Variants in ACADSB observed in about 807,000 individuals in gnomAD.
ACADSB encodes short/branched chain specific acyl-CoA dehydrogenase, mitochondrial.
Under a neutral mutation model 54.1 loss-of-function variants are expected in ACADSB, and 40 were observed. That is an observed-to-expected ratio of 0.74 (90% CI 0.57 to 0.96). The LOEUF is 0.96. Among genes scored for constraint, ACADSB ranks in the 40% least tolerant of loss-of-function variants. The pLI, the probability that ACADSB is intolerant of heterozygous loss-of-function variation, is 0.00. For missense variants in ACADSB, 530 were observed against 510.4 expected (o/e 1.04, Z -0.37); for synonymous variants, 182 against 182.8 (o/e 1.00, Z 0.03).
At chr10:123,042,624 T>G (rs1400249307) in intron 5 of ACADSB, among the ~76,000 whole-genome samples, 4 of 151,858 alleles carry the variant, frequency 2.6e-5, no homozygotes, top group African/African-American at 9.7e-5. Flanking sequence ...ATTTTTGTAT[T>G]TTTAGTAGAG....
chr10:123,020,133 A>C (rs896849560), intron 1 of ACADSB, among the ~76,000 whole-genome samples: 20 of 152,210 alleles, frequency 1.3e-4, no homozygotes, highest in African/African-American at 4.8e-4. Context: ...TAAATAGTTA[A>C]AGGGTTTTGT....
chr10:123,034,411 C>T lies in ACADSB; in HGVS notation c.98C>T (p.Ser33Leu). 6.2e-7 allele frequency: 1 copy of T among 1,613,754 alleles called. No homozygotes were observed. Among genetic ancestry groups the T allele is most frequent in the Non-Finnish European group, 8.5e-7 (1 of 1,179,908 alleles). Residue 33 changes from serine to leucine, a missense_variant, in exon 2 of 11, where the codon TCA becomes TTA. Transcript: ENST00000358776. ...TCTTGGAAGATTCCTCCTCATGTCTCAAAATCTTCCCAGTCAGAAGCTCTA... is the reference window on the plus strand; with the variant it reads ...TCTTGGAAGATTCCTCCTCATGTCTTAAAATCTTCCCAGTCAGAAGCTCTA... Reference protein sequence around the residue: ...LSSWKIPPHVSKSSQSEALLN... With the variant: ...LSSWKIPPHVLKSSQSEALLN...
chr10:123,044,255 A>C (rs912950230), intron 6 of ACADSB, 138 bp from the exon 7 acceptor site: 1 of 718,978 alleles, frequency 1.4e-6, no homozygotes, highest in African/African-American at 1.7e-5. Flanking sequence ...AAAACAGCGT[A>C]GAGGGAGACA....
rs115332385 is a variant in ACADSB, at chr10:123,042,102, A to T, written c.681+723A>T. ...TGCCTCAGCCTCCCAAGTATATGAG[A>T]CTACAGGTGTGCACCACCACGCACA... is the stretch of plus-strand genomic sequence containing the variant. On this transcript the variant is annotated intron_variant, in intron 5 of 10. Coordinates refer to ENST00000358776, the MANE Select transcript of ACADSB (RefSeq NM_001609.4). Among the ~76,000 whole-genome samples, 782 of 151,636 alleles carry T rather than the reference A, an allele frequency of 5.2e-3. 10 individuals are homozygous for T. The highest frequency in any genetic ancestry group is 0.017 in the African/African-American group (720 of 41,310).
At chr10:123,021,546 A>G (rs1850184282) in intron 1 of ACADSB, among the ~76,000 whole-genome samples, 1 of 152,242 alleles carries the variant, frequency 6.6e-6, no homozygotes, top group African/African-American at 2.4e-5. Context: ...ATGGCTTCTT[A>G]TAATCTTTTA....
rs1850727037 is a variant in ACADSB, at chr10:123,057,786, C to T, written c.*4021C>T. The stretch of plus-strand genomic sequence containing the variant: ...TTTTAAAAGTGAAGGATTCATAGCA[C>T]AGATTACTTGCCTAAGATCATCCAG... On this transcript the variant is annotated 3_prime_UTR_variant, in exon 11 of 11. Coordinates refer to ENST00000358776, the MANE Select transcript of ACADSB (RefSeq NM_001609.4). 6.6e-6 allele frequency: 1 copy of T among 152,192 alleles called. No homozygotes were observed. The highest frequency in any genetic ancestry group is 1.5e-5 in the Non-Finnish European group (1 of 68,034). The allele number at this position is 152,192 out of a possible 1,614,324, so 9.4% of individuals were successfully genotyped here. A position where few individuals can be genotyped will look rare whatever the true frequency, so the allele number is the denominator to read the frequency against.
At chr10:123,043,017 G>T (rs1850495126) in intron 5 of ACADSB, 29 bp from the exon 6 acceptor site, 2 of 1,610,250 alleles carry the variant, frequency 1.2e-6, no homozygotes, top group South Asian at 1.1e-5. Flanking sequence ...AAATCCAAGT[G>T]GTAATAGCGT....
At chr10:123,036,245 G>A (rs941002319) in intron 2 of ACADSB, among the ~76,000 whole-genome samples, 9 of 152,140 alleles carry the variant, frequency 5.9e-5, no homozygotes, top group East Asian at 3.9e-4. Context: ...GTGCCACCAC[G>A]CCCAGCTAAT....
Position 123,050,569 on chromosome 10 carries a change from G to A in ACADSB, c.991-480G>A, listed in dbSNP as rs375989615. Among the ~76,000 whole-genome samples, 4 of 152,256 alleles carry A rather than the reference G, an allele frequency of 2.6e-5. No homozygotes were observed. The East Asian group carries it at 7.7e-4, about 29-fold the overall frequency. The stretch of plus-strand genomic sequence containing the variant: ...AATCACCCTCTAAAATTTCAGGGTG[G>A]TAGTAATTGGTGCTTCAAATATTCT... On this transcript the variant is annotated intron_variant, in intron 8 of 10. Coordinates refer to ENST00000358776, the MANE Select transcript of ACADSB (RefSeq NM_001609.4).
intron 8 of ACADSB, among the ~76,000 whole-genome samples, chr10:123,049,906 T>A (rs1031631719): frequency 6.6e-6 from 1 of 152,190 alleles, no homozygotes; most frequent in South Asian, 2.1e-4. Flanking sequence ...AGATGGGTGG[T>A]AAGATTGGTA....
intron 1 of ACADSB, among the ~76,000 whole-genome samples, chr10:123,033,459 T>C (rs1348357219): frequency 6.6e-6 from 1 of 152,212 alleles, no homozygotes; most frequent in African/African-American, 2.4e-5. Context: ...TTAAAGGATT[T>C]GGGACACTAC....
intron 1 of ACADSB, among the ~76,000 whole-genome samples, chr10:123,023,995 A>G (rs1402078575): frequency 6.6e-6 from 1 of 152,218 alleles, no homozygotes. Context: ...AGTGTCAGAC[A>G]TCTCTGACCT....
At chr10:123,048,246 G>A (rs556290524) in intron 8 of ACADSB, among the ~76,000 whole-genome samples, 2 of 152,300 alleles carry the variant, frequency 1.3e-5, no homozygotes, top group African/African-American at 2.4e-5. Context: ...GATTGCACAT[G>A]TGTAGAGATA....
intron 7 of ACADSB, among the ~76,000 whole-genome samples, chr10:123,045,740 A>G (rs182367620): frequency 1.3e-5 from 2 of 152,358 alleles, no homozygotes; most frequent in East Asian, 1.9e-4. Context: ...TAGACATGAC[A>G]TTAGAAACTG....
rs572877238 is a variant in ACADSB, at chr10:123,024,746, G to A, written c.43-9610G>A. Among the ~76,000 whole-genome samples the A allele has an allele frequency of 7.9e-5, 12 of 152,326 alleles. No individual in the cohort carries two copies. In the South Asian group the frequency reaches 1.2e-3, roughly 16 times the overall value. On this transcript the variant is annotated intron_variant, in intron 1 of 10. Coordinates refer to ENST00000358776, the MANE Select transcript of ACADSB (RefSeq NM_001609.4). ...GGGGCCGGGCCCAAGCAAGCAGCTC[G>A]TGGGGCTGGGCCCAAGCAGGCAGCT...
At chr10:123,015,835 G>C (rs1400970868) in intron 1 of ACADSB, among the ~76,000 whole-genome samples, 1 of 152,216 alleles carries the variant, frequency 6.6e-6, no homozygotes, top group Non-Finnish European at 1.5e-5. Flanking sequence ...CATCACGTGA[G>C]ACTCTGAAGC....
chr10:123,035,343 A>G (rs551055226), intron 2 of ACADSB, among the ~76,000 whole-genome samples: 77 of 152,318 alleles, frequency 5.1e-4, no homozygotes, highest in Non-Finnish European at 9.1e-4. Flanking sequence ...AGCCCAAATG[A>G]AGCAGAAGTT....
intron 1 of ACADSB, 94 bp downstream of exon 1, chr10:123,009,165 C>A: frequency 7.4e-7 from 1 of 1,343,884 alleles, no homozygotes; most frequent in East Asian, 2.5e-5. Flanking sequence ...CCTCGGGGCG[C>A]CGGCCTGAGC....
At chr10:123,046,241 G>A (rs2133487131) in intron 7 of ACADSB, among the ~76,000 whole-genome samples, 1 of 152,122 alleles carries the variant, frequency 6.6e-6, no homozygotes, top group African/African-American at 2.4e-5. Flanking sequence ...CAGAATAAAA[G>A]ACTAAAAGAA....
Sources: gnomAD v4.1 joint callset for allele counts (sites outside exome capture counted in the v4.1 genomes callset) on GRCh38, gnomAD v4.1.1 for gene constraint, MANE v1.5 for transcripts, NCBI Gene and HGNC (gene_info 2026-07-23, HGNC 2026-07-21) for gene names.